Variants in TFDP1 observed in about 807,000 individuals in gnomAD.
TFDP1 encodes the protein transcription factor Dp-1, also known as DRTF1-polypeptide 1.
A neutral mutation model predicts 48.0 loss-of-function variants in TFDP1; 6 were observed. That is an observed-to-expected ratio of 0.13 (90% confidence interval 0.07 to 0.25). The LOEUF is 0.25. Ranked by LOEUF, TFDP1 falls within the 10% of genes least tolerant of loss-of-function variation. The pLI is 1.00. For missense variants in TFDP1, 335 were observed against 543.0 expected (o/e 0.62, Z 3.81); for synonymous variants, 201 against 211.6 (o/e 0.95, Z 0.44).
chr13:113,590,882 C>T (rs922981560), intron 2 of TFDP1, among the ~76,000 whole-genome samples: 4 of 151,578 alleles, frequency 2.6e-5, no homozygotes, highest in East Asian at 3.9e-4. Context: ...TGGTGGTGGG[C>T]GCCTGTAGTC....
rs181568976 is a variant in TFDP1 at position 113,585,887 on chromosome 13, C to T, written c.12+38C>T. On this transcript the variant is annotated intron_variant, in intron 2 of 11. Coordinates refer to ENST00000375370, the MANE Select transcript of TFDP1 (RefSeq NM_007111.5). ...GCTTCATGCTGCACACGAATGTTTG[C>T]CTCGCACTAAATTCTTTGTAGTTCT... 1.1e-5 allele frequency: 18 copies of T among 1,592,010 alleles called. No homozygotes were observed. In the East Asian group the frequency reaches 3.8e-4, roughly 34 times the overall value.
intron 2 of TFDP1, among the ~76,000 whole-genome samples, chr13:113,601,556 C>G (rs1336837563): frequency 6.6e-6 from 1 of 152,184 alleles, no homozygotes; most frequent in Non-Finnish European, 1.5e-5. Context: ...CCCTGCAGGG[C>G]CAGGGCACTG....
In TFDP1 at chr13:113,636,639, T is replaced by G. The variant is rs1486643111; in HGVS notation, c.945T>G (p.Ser315=). The part of the protein sequence containing the change: ...MACGLESGSC[S]AEDLKMARSL... ...GCGGGCTGGAGTCGGGGAGCTGCTC[T>G]GCCGAAGACCTTAAAATGGCCAGAA... is the stretch of plus-strand genomic sequence containing the variant. The change falls in exon 10 of 12, where the codon TCT becomes TCG. Residue 315 remains serine, a synonymous_variant. Transcript: ENST00000375370. The G allele has an allele frequency of 6.2e-7, 1 of 1,612,946 alleles. No individual in the cohort carries two copies. Among genetic ancestry groups the G allele is most frequent in the Non-Finnish European group, 8.5e-7 (1 of 1,180,028 alleles).
Position 113,634,705 on chromosome 13 carries a change from C to A in TFDP1, c.687+103C>A, listed in dbSNP as rs1217668344. 6.3e-6 allele frequency: 5 copies of A among 799,560 alleles called. No individual in the cohort carries two copies. The African/African-American group carries it at 6.9e-5, about 11-fold the overall frequency. The allele number at this position is 799,560 out of a possible 1,614,324, so 49.5% of individuals were successfully genotyped here. On this transcript the variant is annotated intron_variant, in intron 8 of 11. Coordinates refer to ENST00000375370, the MANE Select transcript of TFDP1 (RefSeq NM_007111.5). ...TGGGTTACACTCCTGCATGGCAAAT[C>A]AAATGACTGCTCTAAGATTCTGAGT... is the stretch of plus-strand genomic sequence containing the variant.
In TFDP1 at chr13:113,630,181, A is replaced by ACG. The variant is rs1555356712; in HGVS notation, c.187-1439_187-1438dup. Among the ~76,000 whole-genome samples, 548 of 151,506 alleles carry ACG rather than the reference A, an allele frequency of 3.6e-3. 3 individuals carry two copies. Among genetic ancestry groups the ACG allele is most frequent in the African/African-American group, 0.011 (437 of 41,264 alleles). On this transcript the variant is annotated intron_variant, in intron 4 of 11. Coordinates refer to ENST00000375370, the MANE Select transcript of TFDP1 (RefSeq NM_007111.5). ...CACACACACACACACACACACACACACGCGTATTGAACAAAACAAGTTTCA... is the reference window on the plus strand; with the variant it reads ...CACACACACACACACACACACACACACGCGCGTATTGAACAAAACAAGTTTCA...
At chr13:113,612,587 TAAC>T (rs1055037522) in intron 3 of TFDP1, among the ~76,000 whole-genome samples, 12 of 152,214 alleles carry the variant, frequency 7.9e-5, no homozygotes, top group Non-Finnish European at 4.4e-5. Flanking sequence ...GAAGCAGAAA[TAAC>T]AATAAAAAAG....
At position 113,623,711 on chromosome 13, in the gene TFDP1, G is replaced by A; in HGVS notation, c.186+425G>A. The stretch of plus-strand genomic sequence containing the variant: ...GAAGCCAGAGAGGGATAGGGCCCTG[G>A]CCGTGGCTGTGCGTTTGCCCCGGGG... On this transcript the variant is annotated intron_variant, in intron 4 of 11. Coordinates refer to ENST00000375370, the MANE Select transcript of TFDP1 (RefSeq NM_007111.5). The surrounding 1 kb of genome is among the most constrained non-coding windows in gnomAD (Gnocchi z 5.2). 6.6e-6 allele frequency among the ~76,000 whole-genome samples: 1 copy of A among 152,220 alleles called. No homozygotes were observed. Among genetic ancestry groups the A allele is most frequent in the East Asian group, 1.9e-4 (1 of 5,194 alleles).
chr13:113,606,039 T>C (rs2048560413), intron 2 of TFDP1, among the ~76,000 whole-genome samples: 1 of 129,172 alleles, frequency 7.7e-6, no homozygotes. Context: ...CGGTGATGAG[T>C]GTCCGCAGGG....
rs113670683 is a variant in TFDP1 at position 113,598,641 on chromosome 13, C to T, written c.13-12355C>T. On this transcript the variant is annotated intron_variant, in intron 2 of 11. Transcript: ENST00000375370. The surrounding 1 kb of genome is among the most constrained non-coding windows in gnomAD (Gnocchi z 4.2). ...CCCCTGCCTGATGGCTCCAGGCTGT[C>T]CCCTGAGGACCTGGGGTTCGTGTTG... is the stretch of plus-strand genomic sequence containing the variant. 2.0e-5 allele frequency among the ~76,000 whole-genome samples: 3 copies of T among 152,342 alleles called. No individual in the cohort carries two copies. Among genetic ancestry groups the T allele is most frequent in the African/African-American group, 7.2e-5 (3 of 41,580 alleles).
intron 2 of TFDP1, among the ~76,000 whole-genome samples, chr13:113,599,964 A>C (rs1275393026): frequency 6.7e-6 from 1 of 149,778 alleles, no homozygotes; most frequent in Non-Finnish European, 1.5e-5. Flanking sequence ...GAATCCTTGC[A>C]CGTAGGGCTC....
At chr13:113,615,522 T>C (rs2048835188) in intron 3 of TFDP1, among the ~76,000 whole-genome samples, 1 of 152,188 alleles carries the variant, frequency 6.6e-6, no homozygotes, top group Admixed American at 6.5e-5. Flanking sequence ...GGCCTGGAAG[T>C]GTGCTTGTCT....
intron 1 of TFDP1, 196 bp from the exon 2 acceptor site, chr13:113,585,578 A>T: frequency 2.7e-6 from 1 of 372,648 alleles, no homozygotes; most frequent in African/African-American, 2.1e-5. Flanking sequence ...ACTTTTCCGC[A>T]GGGGGCATTT....
In TFDP1 at chr13:113,598,254, C is replaced by T. The variant is rs940034575; in HGVS notation, c.12+12405C>T. The stretch of plus-strand genomic sequence containing the variant: ...GACAGCGGGAGGCAGGATGCAAGCA[C>T]CTTTTTAACGGCTGTGGAACTGATG... On this transcript the variant is annotated intron_variant, in intron 2 of 11. Transcript: ENST00000375370. The surrounding 1 kb of genome is among the most constrained non-coding windows in gnomAD (Gnocchi z 4.2). Among the ~76,000 whole-genome samples, 1 of 152,170 alleles carries T rather than the reference C, an allele frequency of 6.6e-6. No individual in the cohort carries two copies. Among genetic ancestry groups the T allele is most frequent in the Admixed American group, 6.5e-5 (1 of 15,272 alleles).
Position 113,591,642 on chromosome 13 carries a change from A to T in TFDP1, c.12+5793A>T, listed in dbSNP as rs567440639. 3.9e-5 allele frequency among the ~76,000 whole-genome samples: 6 copies of T among 152,346 alleles called. No homozygotes were observed. The South Asian group carries it at 1.2e-3, about 32-fold the overall frequency. On this transcript the variant is annotated intron_variant, in intron 2 of 11. Coordinates refer to ENST00000375370, the MANE Select transcript of TFDP1 (RefSeq NM_007111.5). ...ACATTAAAAAATACTTTGTTGTAGA[A>T]CAATTAGAAAATCCAGATTTGCAGT...
intron 2 of TFDP1, among the ~76,000 whole-genome samples, chr13:113,609,855 A>G (rs1431007231): frequency 6.6e-6 from 1 of 152,150 alleles, no homozygotes; most frequent in Non-Finnish European, 1.5e-5. Context: ...GTACTCAAGC[A>G]TGCTGCCGTG....
intron 2 of TFDP1, among the ~76,000 whole-genome samples, chr13:113,587,424 G>C (rs1264516408): frequency 1.3e-5 from 2 of 151,998 alleles, no homozygotes; most frequent in Admixed American, 1.3e-4. Context: ...AGGAGTGCTG[G>C]GTCTGGATGG....
At chr13:113,602,914 G>A (rs945736688) in intron 2 of TFDP1, among the ~76,000 whole-genome samples, 14 of 150,404 alleles carry the variant, frequency 9.3e-5, no homozygotes, top group African/African-American at 3.0e-4. Context: ...GGGCCACATT[G>A]GAAGAAGAAT....
chr13:113,634,092 G>T, intron 7 of TFDP1, 59 bp downstream of exon 7: 1 of 1,612,390 alleles, frequency 6.2e-7, no homozygotes, highest in Non-Finnish European at 8.5e-7. Flanking sequence ...AGATGTTTTA[G>T]TCGTCGGTCA....
intron 2 of TFDP1, among the ~76,000 whole-genome samples, chr13:113,605,307 G>T (rs1320745629): frequency 6.6e-6 from 1 of 152,142 alleles, no homozygotes; most frequent in African/African-American, 2.4e-5. Flanking sequence ...CTAAGTTTAT[G>T]CAGGGTTCAA....
Sources: gnomAD v4.1 joint callset for allele counts (sites outside exome capture counted in the v4.1 genomes callset) on GRCh38, gnomAD v4.1.1 for gene constraint, Gnocchi (gnomAD v3.1) non-coding constraint, MANE v1.5 for transcripts, NCBI Gene and HGNC (gene_info 2026-07-23, HGNC 2026-07-21) for gene names.